Variants in ABR observed in about 807,000 individuals in gnomAD.
The protein encoded by ABR is ABR activator of RhoGEF and GTPase.
ABR carries 35 observed loss-of-function variants against 107.2 expected under a neutral mutation model. The observed-to-expected ratio is 0.33, with a 90% confidence interval of 0.25 to 0.43. The LOEUF is 0.43. ABR is among the 20% of genes least tolerant of loss of function. The pLI is 1.00. For missense variants in ABR, 815 were observed against 1,115.2 expected (o/e 0.73, Z 3.83); for synonymous variants, 498 against 462.0 (o/e 1.08, Z -1.00).
At chr17:1,180,530 C>A (rs2042101930), upstream of ABR, among the ~76,000 whole-genome samples, 1 of 152,188 alleles carries the variant, frequency 6.6e-6, no homozygotes, top group South Asian at 2.1e-4. Context: ...CCGGGAGGAC[C>A]GAAGTCACGG....
intron 1 of ABR, among the ~76,000 whole-genome samples, chr17:1,166,121 C>T (rs1358552363): frequency 6.6e-6 from 1 of 152,116 alleles, no homozygotes; most frequent in African/African-American, 2.4e-5. Context: ...CTCCCAGAGC[C>T]CAAGGTGGAG....
chr17:1,087,824 G>C (rs566554455), intron 4 of ABR, among the ~76,000 whole-genome samples: 1 of 152,178 alleles, frequency 6.6e-6, no homozygotes, highest in Non-Finnish European at 1.5e-5. Flanking sequence ...GGAGCCAGCC[G>C]TGCGGAGGCC....
intron 16 of ABR, among the ~76,000 whole-genome samples, chr17:1,046,571 C>G (rs2031654208): frequency 6.6e-6 from 1 of 152,210 alleles, no homozygotes. Context: ...CCAGGGGCAC[C>G]AGGCACAAGT....
chr17:1,193,276 C>T (rs557245373), intron 1 of ABR, among the ~76,000 whole-genome samples: 4 of 151,136 alleles, frequency 2.6e-5, no homozygotes, highest in Admixed American at 6.6e-5. Flanking sequence ...CACCCCCTCC[C>T]CCTCAATACC....
At chr17:1,076,342 C>T (rs1457877123) in intron 6 of ABR, among the ~76,000 whole-genome samples, 1 of 152,134 alleles carries the variant, frequency 6.6e-6, no homozygotes, top group Non-Finnish European at 1.5e-5. Context: ...AGGGTGCAGC[C>T]CAGGTCCTAG....
chr17:1,222,208 G>C (rs2043132474), intron 1 of ABR, among the ~76,000 whole-genome samples: 1 of 151,972 alleles, frequency 6.6e-6, no homozygotes, highest in Non-Finnish European at 1.5e-5. Flanking sequence ...GGGATTACAG[G>C]TATGTGCCAC....
intron 1 of ABR, among the ~76,000 whole-genome samples, chr17:1,139,825 G>A (rs1410347604): frequency 6.6e-6 from 1 of 152,132 alleles, no homozygotes; most frequent in Non-Finnish European, 1.5e-5. Flanking sequence ...TGTGTGGGCT[G>A]CCCTGAGGGG....
intron 1 of ABR, among the ~76,000 whole-genome samples, chr17:1,214,072 A>G (rs975979621): frequency 6.6e-6 from 1 of 151,656 alleles, no homozygotes; most frequent in African/African-American, 2.4e-5. Flanking sequence ...TTTTTAGTAG[A>G]GAAGAGGTTT....
chr17:1,023,318 C>A (rs1227389058), intron 16 of ABR, among the ~76,000 whole-genome samples: 3 of 152,250 alleles, frequency 2.0e-5, no homozygotes, highest in Non-Finnish European at 4.4e-5. Flanking sequence ...TTGGAGGCCC[C>A]ACAGCCAGGC....
intron 1 of ABR, among the ~76,000 whole-genome samples, chr17:1,223,457 T>G (rs1385041444): frequency 6.6e-6 from 1 of 152,176 alleles, no homozygotes; most frequent in Non-Finnish European, 1.5e-5. Context: ...TACAGCTTGG[T>G]GTGCGAAAGC....
At chr17:1,183,998 T>G (rs2042215414), upstream of ABR, among the ~76,000 whole-genome samples, 1 of 149,952 alleles carries the variant, frequency 6.7e-6, no homozygotes, top group Admixed American at 6.6e-5. Flanking sequence ...ATAGCCTGAG[T>G]CTGGGAGTTC....
chr17:1,024,515 G>A (rs1162212940), intron 16 of ABR, among the ~76,000 whole-genome samples: 5 of 152,210 alleles, frequency 3.3e-5, no homozygotes, highest in Admixed American at 1.3e-4. Flanking sequence ...GGCCAGGCAC[G>A]GGGGCTCCCG....
chr17:1,109,372 G>A (rs2038506473), intron 2 of ABR, among the ~76,000 whole-genome samples: 1 of 151,872 alleles, frequency 6.6e-6, no homozygotes, highest in Non-Finnish European at 1.5e-5. Flanking sequence ...TCCGTGTCCC[G>A]CCCGGCCCCG....
In ABR at chr17:1,051,651, C is replaced by A. The variant is rs1021341833; in HGVS notation, c.1562-1017G>T. Among the ~76,000 whole-genome samples, 9 of 152,142 alleles carry A rather than the reference C, an allele frequency of 5.9e-5. No homozygotes were observed. Among genetic ancestry groups the A allele is most frequent in the Non-Finnish European group, 7.4e-5 (5 of 68,012 alleles). ...GGTACCAGAGGTGGTGTGGGAGGTG[C>A]CTTTGGGACACTATGGCCAACCCTC... On this transcript the variant is annotated intron_variant, in intron 14 of 22. Transcript: ENST00000302538. This position sits in a 1 kb window ranked among gnomAD's most constrained non-coding sequence, Gnocchi z 4.3.
chr17:1,110,432 ATGGCTGCTGGAGGAAACGCAAGCTC>A (rs1387152749), intron 2 of ABR, among the ~76,000 whole-genome samples: 11 of 152,200 alleles, frequency 7.2e-5, no homozygotes, highest in Non-Finnish European at 1.6e-4. Context: ...ACTCCAGCCG[ATGGCTGCTGGAGGAAACGCAAGCTC>A]ATGGCTGCCT....
At chr17:1,087,670 A>T (rs2036705046) in intron 4 of ABR, among the ~76,000 whole-genome samples, 1 of 152,094 alleles carries the variant, frequency 6.6e-6, no homozygotes. Flanking sequence ...ACGCTACACG[A>T]GGCATACTAG....
At position 1,079,335 on chromosome 17, in the gene ABR, A is replaced by G. The variant is rs1213465126; in HGVS notation, c.695T>C (p.Met232Thr). ...DSKDSHTSVT[M>T]EALLYKPIDR... ...CAGCCCGCTCCCCGAGGTACCTTCC[A>G]TGGTGACAGACGTGTGGCTGTCCTT... Residue 232 changes from methionine (M) to threonine (T), a missense_variant, in exon 6 of 23, where the codon ATG becomes ACG. This residue lies in a region of ABR where 385 missense variants were observed against 596.9 expected (regional missense o/e 0.64). Coordinates refer to ENST00000302538, the MANE Select transcript of ABR (RefSeq NM_021962.5). 1 of 1,613,352 alleles carries G rather than the reference A, an allele frequency of 6.2e-7. No homozygotes were observed. Among genetic ancestry groups the G allele is most frequent in the Non-Finnish European group, 8.5e-7 (1 of 1,179,704 alleles).
In ABR at chr17:1,051,575, C is replaced by G. The variant is rs536558022; in HGVS notation, c.1562-941G>C. Among the ~76,000 whole-genome samples the G allele has an allele frequency of 6.6e-6, 1 of 152,198 alleles. No homozygotes were observed. The highest frequency in any genetic ancestry group is 2.4e-5 in the African/African-American group (1 of 41,446). On this transcript the variant is annotated intron_variant, in intron 14 of 22. Transcript: ENST00000302538. The surrounding 1 kb of genome is among the most constrained non-coding windows in gnomAD (Gnocchi z 4.3). ...TGCAAACCCACACCCGCCCTGGGCT[C>G]GGACCCCAGCAGTCCTCCCACCTCC...
chr17:1,022,120 A>AAAAAAAAAAAAAAAAAAAAAAAAC (rs56033950), intron 16 of ABR, among the ~76,000 whole-genome samples: 7 of 118,388 alleles, frequency 5.9e-5, no homozygotes, highest in South Asian at 2.7e-4. Context: ...AAAAAAAAAA[A>AAAAAAAAAAAAAAAAAAAAAAAAC]AAAAACAGAA....
Sources: gnomAD v4.1 joint callset for allele counts (sites outside exome capture counted in the v4.1 genomes callset) on GRCh38, gnomAD v4.1.1 for gene constraint, gnomAD v4.1.1 regional missense constraint, Gnocchi (gnomAD v3.1) non-coding constraint, MANE v1.5 for transcripts, NCBI Gene and HGNC (gene_info 2026-07-23, HGNC 2026-07-21) for gene names.